Variants in PDE10A observed in about 807,000 individuals in gnomAD.
The protein encoded by PDE10A is cAMP and cAMP-inhibited cGMP 3',5'-cyclic phosphodiesterase 10A.
PDE10A carries 39 observed loss-of-function variants against 97.7 expected under a neutral mutation model. That is an observed-to-expected ratio of 0.40 (90% CI 0.31 to 0.52). The LOEUF is 0.52. PDE10A is among the 20% of genes least tolerant of loss of function. The probability of loss-of-function intolerance (pLI) is 0.56; values close to 1 mark genes in which losing one functional copy is unlikely to be tolerated. For synonymous variants in PDE10A, 371 were observed against 376.8 expected, an observed-to-expected ratio of 0.98 and a Z score of 0.18; for missense variants, 731 against 1,047.8, an observed-to-expected ratio of 0.70 and a Z score of 4.17.
chr6:165,487,176 T>C (rs1434844971), intron 2 of PDE10A, among the ~76,000 whole-genome samples: 2 of 152,238 alleles, frequency 1.3e-5, no homozygotes, highest in South Asian at 2.1e-4. Context: ...AATCTCCATA[T>C]GTTCTGGATG....
intron 1 of PDE10A, among the ~76,000 whole-genome samples, chr6:165,676,222 A>G (rs2128438065): frequency 6.6e-6 from 1 of 152,260 alleles, no homozygotes; most frequent in South Asian, 2.1e-4. Context: ...CTTTGGAGAC[A>G]CAGAAGGGTG....
intron 2 of PDE10A, among the ~76,000 whole-genome samples, chr6:165,526,745 G>A (rs905443200): frequency 6.6e-6 from 1 of 152,158 alleles, no homozygotes; most frequent in South Asian, 2.1e-4. Context: ...CACATCTCCT[G>A]GTACCTGGTA....
At chr6:165,875,737 T>TTTTTG (rs1554334713) in intron 1 of PDE10A, among the ~76,000 whole-genome samples, 14 of 138,050 alleles carry the variant, frequency 1.0e-4, no homozygotes, top group African/African-American at 3.6e-4. Flanking sequence ...TACTGTTTTT[T>TTTTTG]TTTTTTTTTT....
At position 165,474,427 on chromosome 6, in the gene PDE10A, T is replaced by C. The variant is rs140360026; in HGVS notation, c.1023+7888A>G. ...ACCAAAACATTCCTTAAAGAAGTAA[T>C]GTTCACCTTCATATAAACTTTTTTC... On this transcript the variant is annotated intron_variant, in intron 3 of 21. Coordinates refer to ENST00000539869, the MANE Select transcript of PDE10A (RefSeq NM_001385079.1). Among the ~76,000 whole-genome samples the C allele has an allele frequency of 6.6e-3, 1,011 of 152,348 alleles. 38 individuals are homozygous for C. The highest frequency in any genetic ancestry group is 0.046 in the Admixed American group (701 of 15,298).
At chr6:165,574,701 G>A (rs1478458679) in intron 1 of PDE10A, among the ~76,000 whole-genome samples, 1 of 152,070 alleles carries the variant, frequency 6.6e-6, no homozygotes, top group Non-Finnish European at 1.5e-5. Context: ...ACATTAAAAA[G>A]CTCTTTGTTA....
At chr6:165,944,871 T>C (rs1783714671) in intron 1 of PDE10A, among the ~76,000 whole-genome samples, 1 of 152,238 alleles carries the variant, frequency 6.6e-6, no homozygotes, top group South Asian at 2.1e-4. Flanking sequence ...GATAAGGTCC[T>C]TTTATGAAAA....
intron 2 of PDE10A, among the ~76,000 whole-genome samples, chr6:165,498,136 G>A (rs1780646423): frequency 6.6e-6 from 1 of 151,924 alleles, no homozygotes; most frequent in South Asian, 2.1e-4. Flanking sequence ...TTTAGGCCAG[G>A]CACCATGGCT....
chr6:165,750,411 G>A (rs371573633), intron 1 of PDE10A, among the ~76,000 whole-genome samples: 88 of 152,286 alleles, frequency 5.8e-4, no homozygotes, highest in African/African-American at 2.0e-3. Flanking sequence ...TTCAGTTCCT[G>A]GGTACCTGGC....
At chr6:165,824,968 T>TAAAAAA (rs71890265) in intron 1 of PDE10A, among the ~76,000 whole-genome samples, 2 of 92,418 alleles carry the variant, frequency 2.2e-5, no homozygotes, top group African/African-American at 4.7e-5. Flanking sequence ...CCGTCTCTAC[T>TAAAAAA]AAAAAAAAAA....
At chr6:165,880,761 T>C (rs1018938986) in intron 1 of PDE10A, among the ~76,000 whole-genome samples, 9 of 152,228 alleles carry the variant, frequency 5.9e-5, no homozygotes, top group African/African-American at 2.2e-4. Flanking sequence ...AGACTTTTCA[T>C]TGGGAACAGG....
intron 2 of PDE10A, among the ~76,000 whole-genome samples, chr6:165,505,010 G>A (rs1781109076): frequency 6.6e-6 from 1 of 152,168 alleles, no homozygotes; most frequent in South Asian, 2.1e-4. Context: ...TGTCGCCTGA[G>A]CTTCCTATAG....
chr6:165,539,178 G>C (rs952399189), intron 2 of PDE10A, among the ~76,000 whole-genome samples: 4 of 152,060 alleles, frequency 2.6e-5, no homozygotes, highest in Admixed American at 2.6e-4. Flanking sequence ...CTGAAAAAAT[G>C]GTGGTTTGGA....
intron 3 of PDE10A, among the ~76,000 whole-genome samples, chr6:165,455,009 A>G (rs76016497): frequency 6.6e-6 from 1 of 152,300 alleles, no homozygotes; most frequent in East Asian, 1.9e-4. Context: ...AAAAATGTAT[A>G]GCACAGATCT....
rs143178534 is a variant in PDE10A, at chr6:165,514,030, C to G, written c.994+29410G>C. Among the ~76,000 whole-genome samples the G allele has an allele frequency of 3.8e-4, 58 of 152,266 alleles. 1 individual carries two copies. The East Asian group carries it at 0.011, about 28-fold the overall frequency. ...TCAAGTTAACAACTGTCCTTCTACT[C>G]TGCTGAGAACTTTTCTCATGAAATT... On this transcript the variant is annotated intron_variant, in intron 2 of 21. Coordinates refer to ENST00000539869, the MANE Select transcript of PDE10A (RefSeq NM_001385079.1).
intron 3 of PDE10A, among the ~76,000 whole-genome samples, chr6:165,469,499 G>T (rs982538664): frequency 1.3e-5 from 2 of 152,196 alleles, no homozygotes; most frequent in Admixed American, 6.5e-5. Context: ...TTTATGCGAA[G>T]AATTTTTCTC....
At chr6:165,417,929 C>G (rs1297945480) in intron 11 of PDE10A, among the ~76,000 whole-genome samples, 1 of 152,198 alleles carries the variant, frequency 6.6e-6, no homozygotes, top group Admixed American at 6.5e-5. Context: ...GAGACACATA[C>G]AGCAAAAGAA....
chr6:165,709,714 C>A (rs1353287173), intron 1 of PDE10A, among the ~76,000 whole-genome samples: 1 of 120,456 alleles, frequency 8.3e-6, no homozygotes, highest in Non-Finnish European at 1.7e-5. Flanking sequence ...CGGCACTGTC[C>A]CCCCACTCTC....
chr6:165,952,087 G>A (rs978789580), intron 1 of PDE10A, among the ~76,000 whole-genome samples: 1 of 152,174 alleles, frequency 6.6e-6, no homozygotes, highest in Non-Finnish European at 1.5e-5. Flanking sequence ...AAGTAACGAG[G>A]CAGAGACATT....
At chr6:165,536,981 A>G (rs1783126384) in intron 2 of PDE10A, among the ~76,000 whole-genome samples, 1 of 152,078 alleles carries the variant, frequency 6.6e-6, no homozygotes, top group African/African-American at 2.4e-5. Context: ...TATCAAAGAT[A>G]TATCTGTCCT....
Sources: gnomAD v4.1 joint callset for allele counts (sites outside exome capture counted in the v4.1 genomes callset) on GRCh38, gnomAD v4.1.1 for gene constraint, MANE v1.5 for transcripts, NCBI Gene and HGNC (gene_info 2026-07-23, HGNC 2026-07-21) for gene names.